The following DHX8 variants were observed in gnomAD, a reference collection of about 807,000 sequenced individuals.
DHX8 encodes the protein DEAH-box helicase 8, also known as ATP-dependent RNA helicase DHX8.
A neutral mutation model predicts 140.7 loss-of-function variants in DHX8; 67 were observed. That is an observed-to-expected ratio of 0.48 (90% confidence interval 0.39 to 0.58). The LOEUF is 0.58. Among genes scored for constraint, DHX8 ranks in the 20% least tolerant of loss-of-function variants. The pLI, the probability that DHX8 is intolerant of heterozygous loss-of-function variation, is 0.00. For synonymous variants in DHX8, 533 were observed against 553.2 expected (o/e 0.96, Z 0.51); for missense variants, 887 against 1,550.7 (o/e 0.57, Z 7.19).
chr17:43,507,811 A>T lies in DHX8; in HGVS notation c.2112A>T (p.Thr704=). The T allele has an allele frequency of 1.2e-6, 2 of 1,614,232 alleles. No individual in the cohort carries two copies. The highest frequency in any genetic ancestry group is 1.7e-6 in the Non-Finnish European group (2 of 1,180,046). ...AGCCACATAATATTTCTCTTCAGAC[A>T]GTTCAGAAACGGCAGGACATGAAGC... ...TDVLFGLLKK[T]VQKRQDMKLI... The change falls in exon 15 of 23, where the codon ACA becomes ACT. Residue 704 remains threonine (T), a splice_region_variant and synonymous_variant. Transcript: ENST00000262415.
chr17:43,541,470 T>G (rs1971517493), intron 3 of DHX8, among the ~76,000 whole-genome samples: 1 of 151,510 alleles, frequency 6.6e-6, no homozygotes, highest in African/African-American at 2.4e-5. Flanking sequence ...GTGGGAAAAG[T>G]GCCAAGACAG....
downstream of DHX8, chr17:43,529,674 C>G: frequency 6.2e-7 from 1 of 1,606,078 alleles, no homozygotes; most frequent in Non-Finnish European, 8.5e-7. Context: ...TGCTTGATGT[C>G]TCCTGGGGAA....
chr17:43,524,751 G>A lies in DHX8; in HGVS notation c.*904G>A, dbSNP rs1970547604. Reference sequence around the variant, plus strand: ...TTTGTTTTTATTTTTTTCCCCTGAGGTCCTGGATGGACTTTAACAAAGGGA... The same window carrying A: ...TTTGTTTTTATTTTTTTCCCCTGAGATCCTGGATGGACTTTAACAAAGGGA... On this transcript the variant is annotated 3_prime_UTR_variant, in exon 23 of 23. Coordinates refer to ENST00000262415, the MANE Select transcript of DHX8 (RefSeq NM_004941.3). The A allele has an allele frequency of 1.0e-6, 1 of 985,160 alleles. No individual in the cohort carries two copies. Among genetic ancestry groups the A allele is most frequent in the Non-Finnish European group, 1.2e-6 (1 of 829,890 alleles). The allele number at this position is 985,160 out of a possible 1,614,324, so 61.0% of individuals were successfully genotyped here.
chr17:43,514,311 C>G (rs1970005381), intron 17 of DHX8, among the ~76,000 whole-genome samples: 2 of 152,236 alleles, frequency 1.3e-5, no homozygotes, highest in East Asian at 3.9e-4. Flanking sequence ...CATCACTGCA[C>G]TCTAGCTGGG....
At chr17:43,499,831 A>G in intron 10 of DHX8, 125 bp from the exon 11 acceptor site, 1 of 1,010,662 alleles carries the variant, frequency 9.9e-7, no homozygotes, top group Non-Finnish European at 1.5e-6. Flanking sequence ...TCTTTCATAT[A>G]GTCTGTTACA....
chr17:43,526,514 T>C (rs9915640), downstream of DHX8: 400,434 of 1,535,338 alleles, frequency 0.26, 53,193 homozygotes, highest in African/African-American at 0.36. Flanking sequence ...ACTTCCTCCC[T>C]GTGGTTGCTG....
downstream of DHX8, chr17:43,528,326 G>C: frequency 1.9e-6 from 1 of 529,286 alleles, no homozygotes; most frequent in Admixed American, 3.2e-5. Context: ...CTCTAGACTT[G>C]CCATTTCTCC....
At chr17:43,535,963 T>A (rs1302905910) in intron 2 of DHX8, among the ~76,000 whole-genome samples, 2 of 152,122 alleles carry the variant, frequency 1.3e-5, no homozygotes, top group East Asian at 3.9e-4. Flanking sequence ...ATACAAAAAT[T>A]AGCTGGGTGT....
intron 3 of DHX8, among the ~76,000 whole-genome samples, chr17:43,538,145 A>T (rs1971342869): frequency 2.6e-5 from 4 of 151,090 alleles, no homozygotes; most frequent in African/African-American, 9.8e-5. Context: ...CATTTCAAAA[A>T]AAAAAAAAAA....
intron 2 of DHX8, among the ~76,000 whole-genome samples, chr17:43,489,826 G>A (rs570773037): frequency 7.9e-5 from 12 of 152,048 alleles, no homozygotes; most frequent in East Asian, 3.9e-4. Flanking sequence ...TCCTGACCTC[G>A]TGATCCACCC....
chr17:43,517,307 A>G lies in DHX8; in HGVS notation c.2784A>G (p.Thr928=), dbSNP rs377566829. Residue 928 remains threonine, a synonymous_variant, in exon 18 of 23, where the codon ACA becomes ACG. Coordinates refer to ENST00000262415, the MANE Select transcript of DHX8 (RefSeq NM_004941.3). ...PEIQRTNLAS[T]VLSLKAMGIN... Reference sequence around the variant, plus strand: ...TCCAGAGAACCAACTTAGCAAGCACAGTGCTGTCACTCAAGGTAGAAATCA... The same window carrying G: ...TCCAGAGAACCAACTTAGCAAGCACGGTGCTGTCACTCAAGGTAGAAATCA... 2.5e-6 allele frequency: 4 copies of G among 1,614,028 alleles called. No individual in the cohort carries two copies. Among genetic ancestry groups the G allele is most frequent in the Non-Finnish European group, 3.4e-6 (4 of 1,179,974 alleles).
rs751985323 is a variant in DHX8, at chr17:43,521,299, C to T, written c.3067-70C>T. 3 of 1,339,278 alleles carry T rather than the reference C, an allele frequency of 2.2e-6. No homozygotes were observed. In the Admixed American group the frequency reaches 6.3e-5, roughly 28 times the overall value. The allele number at this position is 1,339,278 out of a possible 1,614,324, so 83.0% of individuals were successfully genotyped here. ...CTTTTGATAGGGTCTTGTAGGGCTC[C>T]CTAGAATTGCTCCATGTTCAGTTAG... On this transcript the variant is annotated intron_variant, in intron 20 of 22. Transcript: ENST00000262415.
intron 22 of DHX8, among the ~76,000 whole-genome samples, chr17:43,523,123 A>C (rs1970466913): frequency 6.6e-6 from 1 of 152,116 alleles, no homozygotes; most frequent in African/African-American, 2.4e-5. Flanking sequence ...TAAAAAAAAA[A>C]ACTTGTTTTA....
rs765715574 is a variant in DHX8, at chr17:43,523,809, A to G, written c.3625A>G (p.Asn1209Asp). 6.2e-7 allele frequency: 1 copy of G among 1,614,180 alleles called. No homozygotes were observed. Among genetic ancestry groups the G allele is most frequent in the Non-Finnish European group, 8.5e-7 (1 of 1,180,036 alleles). ...EPLYNRYEEP[N>D]AWRISRAFRR... ...CTTGTACAACCGCTATGAGGAACCC[A>G]ATGCCTGGAGAATATCTCGAGCTTT... is the stretch of plus-strand genomic sequence containing the variant. The change falls in exon 23 of 23, where the codon AAT (asparagine) becomes GAT (aspartate). Residue 1209 changes from asparagine (N) to aspartate (D), a missense_variant. Transcript: ENST00000262415.
At chr17:43,533,035 TG>T in intron 2 of DHX8, 3 of 1,501,512 alleles carry the variant, frequency 2.0e-6, no homozygotes, top group Non-Finnish European at 2.7e-6. Context: ...GGCTCCGGAA[TG>T]GGGGGTAGGG....
intron 2 of DHX8, among the ~76,000 whole-genome samples, chr17:43,535,908 C>T (rs946099130): frequency 1.3e-5 from 2 of 152,156 alleles, no homozygotes; most frequent in African/African-American, 4.8e-5. Context: ...GTCAGGAATT[C>T]GAGACCATCC....
intron 17 of DHX8, among the ~76,000 whole-genome samples, chr17:43,516,887 C>T (rs529103137): frequency 1.2e-4 from 18 of 152,216 alleles, no homozygotes; most frequent in African/African-American, 2.4e-4. Flanking sequence ...TTTTATATTG[C>T]GCCACACTAT....
chr17:43,529,388 T>G, downstream of DHX8: 1 of 1,433,398 alleles, frequency 7.0e-7, no homozygotes, highest in Non-Finnish European at 9.6e-7. Context: ...TTGGCAAGAA[T>G]TCAGGTTAGG....
downstream of DHX8, chr17:43,529,275 G>A: frequency 1.9e-6 from 3 of 1,595,596 alleles, no homozygotes; most frequent in Non-Finnish European, 2.6e-6. Flanking sequence ...ATGCTACCTT[G>A]GCAGAGGAAA....
Sources: gnomAD v4.1 joint callset for allele counts (sites outside exome capture counted in the v4.1 genomes callset) on GRCh38, gnomAD v4.1.1 for gene constraint, MANE v1.5 for transcripts, NCBI Gene and HGNC (gene_info 2026-07-23, HGNC 2026-07-21) for gene names.